The following CTNNA3 variants were observed in gnomAD, a reference collection of about 807,000 sequenced individuals.
CTNNA3 encodes catenin alpha-3.
In CTNNA3, 76 loss-of-function variants were observed where a neutral mutation model predicts 95.7. The ratio of observed to expected loss-of-function variants is 0.79; its 90% CI spans 0.66 to 0.96. The LOEUF (loss-of-function observed/expected upper bound fraction) is 0.96. CTNNA3 is among the 40% of genes least tolerant of loss of function. The pLI, the probability that CTNNA3 is intolerant of heterozygous loss-of-function variation, is 0.00. For synonymous variants in CTNNA3, 431 were observed against 374.4 expected, an observed-to-expected ratio of 1.15 and a Z score of -1.74; for missense variants, 1,191 against 1,089.8, an observed-to-expected ratio of 1.09 and a Z score of -1.31.
At chr10:66,942,870 G>A (rs1438211231) in intron 7 of CTNNA3, among the ~76,000 whole-genome samples, 2 of 152,196 alleles carry the variant, frequency 1.3e-5, no homozygotes, top group Non-Finnish European at 2.9e-5. Flanking sequence ...AGTAGAGTCT[G>A]TGAAATGATG....
At chr10:66,824,082 T>C (rs992679961) in intron 7 of CTNNA3, among the ~76,000 whole-genome samples, 3 of 151,194 alleles carry the variant, frequency 2.0e-5, no homozygotes, top group African/African-American at 7.3e-5. Context: ...CCAGAGTCCA[T>C]TTCTTAATGG....
At chr10:67,599,791 A>G (rs1217642588) in intron 3 of CTNNA3, among the ~76,000 whole-genome samples, 3 of 152,200 alleles carry the variant, frequency 2.0e-5, no homozygotes, top group African/African-American at 7.2e-5. Context: ...CACTGTTAAA[A>G]TGTCAGTTCA....
chr10:67,055,227 A>G (rs1174961815), intron 7 of CTNNA3, among the ~76,000 whole-genome samples: 1 of 152,190 alleles, frequency 6.6e-6, no homozygotes, highest in African/African-American at 2.4e-5. Context: ...ATGGAACATA[A>G]GTTTGTTTTT....
rs146219701 is a variant in CTNNA3 at position 67,083,315 on chromosome 10, A to G, written c.1047+97002T>C. On this transcript the variant is annotated intron_variant, in intron 7 of 17. Transcript: ENST00000433211. ...TTTAATACACTATGAAGACCAAGCA[A>G]TCAATATAATGATTAGGAAACAGTT... 1.8e-3 allele frequency among the ~76,000 whole-genome samples: 275 copies of G among 152,260 alleles called. 3 individuals carry two copies. The highest frequency in any genetic ancestry group is 5.8e-3 in the African/African-American group (239 of 41,546).
intron 11 of CTNNA3, among the ~76,000 whole-genome samples, chr10:66,455,151 TATC>T (rs2093487893): frequency 6.6e-6 from 1 of 152,288 alleles, no homozygotes; most frequent in Middle Eastern, 3.4e-3. Context: ...CTGTGACTAA[TATC>T]ATACTTAATG....
At chr10:67,464,895 C>A (rs1460070227) in intron 5 of CTNNA3, among the ~76,000 whole-genome samples, 2 of 150,144 alleles carry the variant, frequency 1.3e-5, no homozygotes, top group Admixed American at 6.6e-5. Flanking sequence ...AAGTACAGAT[C>A]ATTCAGTATT....
chr10:67,519,475 C>T (rs1434736264), intron 5 of CTNNA3, among the ~76,000 whole-genome samples: 1 of 152,138 alleles, frequency 6.6e-6, no homozygotes, highest in East Asian at 1.9e-4. Context: ...AAACCAAAGG[C>T]TTATGCTCTT....
intron 3 of CTNNA3, among the ~76,000 whole-genome samples, chr10:67,560,028 G>C (rs1841438341): frequency 6.6e-6 from 1 of 152,196 alleles, no homozygotes; most frequent in African/African-American, 2.4e-5. Context: ...ACCTGAAAGT[G>C]ATGGGGAGAA....
intron 1 of CTNNA3, among the ~76,000 whole-genome samples, chr10:67,691,285 C>T (rs1022768727): frequency 7.2e-5 from 11 of 152,214 alleles, no homozygotes; most frequent in Non-Finnish European, 1.3e-4. Context: ...CCCAAAGTGC[C>T]GAGATTGCAG....
intron 11 of CTNNA3, among the ~76,000 whole-genome samples, chr10:66,457,623 T>C (rs1450272393): frequency 1.5e-5 from 2 of 136,896 alleles, no homozygotes; most frequent in Non-Finnish European, 3.1e-5. Flanking sequence ...AATCAAAGCC[T>C]GACACATTTG....
chr10:66,216,330 G>A (rs1365431472), intron 13 of CTNNA3, among the ~76,000 whole-genome samples: 2 of 152,200 alleles, frequency 1.3e-5, no homozygotes, highest in African/African-American at 4.8e-5. Flanking sequence ...TATAAGACCT[G>A]GATCTGGCAG....
intron 13 of CTNNA3, among the ~76,000 whole-genome samples, chr10:66,219,239 G>A (rs138929693): frequency 7.9e-4 from 120 of 152,206 alleles, no homozygotes; most frequent in African/African-American, 2.8e-3. Flanking sequence ...GGGTGGCGAG[G>A]GGCCTTGGGA....
At chr10:67,484,788 T>C (rs1848381344) in intron 5 of CTNNA3, among the ~76,000 whole-genome samples, 1 of 151,954 alleles carries the variant, frequency 6.6e-6, no homozygotes, top group Non-Finnish European at 1.5e-5. Context: ...GAAAAATGAA[T>C]GGCTATTATG....
chr10:65,922,267 C>T (rs1255612012), intron 17 of CTNNA3, among the ~76,000 whole-genome samples: 1 of 152,166 alleles, frequency 6.6e-6, no homozygotes, highest in Non-Finnish European at 1.5e-5. Flanking sequence ...AGCAACTCTG[C>T]TTTTAAGAAG....
chr10:67,219,549 A>G (rs1055163875), intron 6 of CTNNA3, 58 bp downstream of exon 6: 1 of 1,435,904 alleles, frequency 7.0e-7, no homozygotes, highest in African/African-American at 1.4e-5. Context: ...CTTCTGTTTT[A>G]TTATTATTAT....
intron 11 of CTNNA3, among the ~76,000 whole-genome samples, chr10:66,426,234 A>G (rs1010065033): frequency 6.6e-6 from 1 of 151,878 alleles, no homozygotes; most frequent in Non-Finnish European, 1.5e-5. Flanking sequence ...TATGCTTTCT[A>G]TTGGGTGTAT....
intron 5 of CTNNA3, among the ~76,000 whole-genome samples, chr10:67,400,963 C>G (rs1589254878): frequency 1.3e-5 from 2 of 152,166 alleles, no homozygotes; most frequent in African/African-American, 4.8e-5. Flanking sequence ...ATAATATGAT[C>G]CTGGACTAAG....
rs1261019638 is a variant in CTNNA3 at position 65,969,670 on chromosome 10, T to C, written c.2266-2924A>G. Among the ~76,000 whole-genome samples the C allele has an allele frequency of 2.0e-5, 3 of 152,134 alleles. No individual in the cohort carries two copies. The East Asian group carries it at 5.8e-4, about 29-fold the overall frequency. Reference sequence around the variant, plus strand: ...AAACTGGACTAAGTAGAGGAAAGAATTTCAGATCTTGAAGACCAGTCTTTT... The same window carrying C: ...AAACTGGACTAAGTAGAGGAAAGAACTTCAGATCTTGAAGACCAGTCTTTT... On this transcript the variant is annotated intron_variant, in intron 16 of 17. Transcript: ENST00000433211.
At chr10:66,865,492 T>G (rs748734053) in intron 7 of CTNNA3, among the ~76,000 whole-genome samples, 1 of 152,160 alleles carries the variant, frequency 6.6e-6, no homozygotes, top group Non-Finnish European at 1.5e-5. Flanking sequence ...TTGCTGAATA[T>G]TCTCGATTCC....
Sources: allele counts gnomAD v4.1 joint callset (sites outside exome capture counted in the v4.1 genomes callset), GRCh38; gene constraint gnomAD v4.1.1; transcripts MANE v1.5; gene names NCBI Gene and HGNC (gene_info 2026-07-23, HGNC 2026-07-21).